CHRNB1: variants seen among roughly 807,000 people sequenced by gnomAD.
CHRNB1 encodes the protein cholinergic receptor nicotinic beta 1 subunit.
Under a neutral mutation model 53.8 loss-of-function variants are expected in CHRNB1, and 47 were observed. The observed-to-expected ratio is 0.87, with a 90% CI of 0.69 to 1.11. The LOEUF (loss-of-function observed/expected upper bound fraction) is 1.11, where lower values mean the gene tolerates loss of function less well. Among genes scored for constraint, CHRNB1 ranks in the 50% most tolerant of loss-of-function variants. The pLI is 0.00. For synonymous variants in CHRNB1, 259 were observed against 263.5 expected (o/e 0.98, Z 0.16); for missense variants, 605 against 654.9 (o/e 0.92, Z 0.83).
intron 7 of CHRNB1, among the ~76,000 whole-genome samples, chr17:7,452,916 C>T (rs556544134): frequency 1.3e-5 from 2 of 152,044 alleles, no homozygotes; most frequent in African/African-American, 2.4e-5. Context: ...CCCAGCTGCT[C>T]GGGAGGCTAA....
Position 7,448,782 on chromosome 17 carries a change from G to A in CHRNB1, c.814G>A (p.Asp272Asn). 2 of 1,614,104 alleles carry A rather than the reference G, an allele frequency of 1.2e-6. No homozygotes were observed. Among genetic ancestry groups the A allele is most frequent in the Non-Finnish European group, 1.7e-6 (2 of 1,179,962 alleles). ...LAIFVFYLPP[D>N]AGEKMGLSIF... Reference sequence around the variant, plus strand: ...CATCTTCGTCTTCTACCTGCCACCAGATGCAGGTAATGGGGGAAGGGGCTC... The same window carrying A: ...CATCTTCGTCTTCTACCTGCCACCAAATGCAGGTAATGGGGGAAGGGGCTC... Residue 272 changes from aspartate to asparagine, a missense_variant, in exon 7 of 11, where the codon GAT becomes AAT. By Grantham distance (23) the Asp-to-Asn change is conservative (BLOSUM62 1). Coordinates refer to ENST00000306071, the MANE Select transcript of CHRNB1 (RefSeq NM_000747.3).
At chr17:7,451,117 C>G (rs1908866764) in intron 7 of CHRNB1, among the ~76,000 whole-genome samples, 1 of 152,090 alleles carries the variant, frequency 6.6e-6, no homozygotes, top group African/African-American at 2.4e-5. Flanking sequence ...CAAAGGGACT[C>G]TAGACCCAGG....
intron 7 of CHRNB1, 67 bp downstream of exon 7, chr17:7,448,855 C>A: frequency 1.3e-6 from 2 of 1,546,650 alleles, no homozygotes; most frequent in Non-Finnish European, 1.8e-6. Flanking sequence ...ATCCTTAATC[C>A]AGGCAGGGTT....
chr17:7,446,147 C>CCT (rs1284116552), intron 3 of CHRNB1, 34 bp downstream of exon 3: 1 of 1,584,906 alleles, frequency 6.3e-7, no homozygotes, highest in Admixed American at 1.7e-5. Context: ...AAAGGGCTTC[C>CCT]CTCTGCCTTG....
chr17:7,445,612 T>G lies in CHRNB1; in HGVS notation c.198+203T>G, dbSNP rs1318746888. 6.9e-7 allele frequency: 1 copy of G among 1,445,240 alleles called. No homozygotes were observed. 89.5% of individuals were successfully genotyped at this position (1,445,240 alleles called of 1,614,324 possible). A position where few individuals can be genotyped will look rare whatever the true frequency, so the allele number is the denominator to read the frequency against. ...GTGGTGGACGGGCCTGGAGTAGAAC[T>G]GGGTAGGGTGAAGGACGGACCTGTG... On this transcript the variant is annotated intron_variant, in intron 2 of 10. Coordinates refer to ENST00000306071, the MANE Select transcript of CHRNB1 (RefSeq NM_000747.3). The surrounding 1 kb of genome is among the most constrained non-coding windows in gnomAD (Gnocchi z 5.7).
intron 9 of CHRNB1, 25 bp downstream of exon 9, chr17:7,455,481 T>G (rs201761770): frequency 1.2e-6 from 2 of 1,613,134 alleles, no homozygotes; most frequent in Non-Finnish European, 1.7e-6. Context: ...GTTACCCACA[T>G]AAGAGGGAGA....
intron 2 of CHRNB1, 24 bp from the exon 3 acceptor site, chr17:7,446,045 A>G: frequency 1.2e-6 from 2 of 1,612,436 alleles, no homozygotes; most frequent in Non-Finnish European, 1.7e-6. Flanking sequence ...CTTCACCTTT[A>G]CGCCTTAAAT....
At chr17:7,446,191 A>AT in intron 3 of CHRNB1, 78 bp downstream of exon 3, 3 of 1,229,156 alleles carry the variant, frequency 2.4e-6, no homozygotes, top group Non-Finnish European at 2.4e-6. Flanking sequence ...CAGTAAGAAT[A>AT]TTTTTTACAT....
At chr17:7,451,806 G>A (rs1012829240) in intron 7 of CHRNB1, among the ~76,000 whole-genome samples, 6 of 152,178 alleles carry the variant, frequency 3.9e-5, no homozygotes, top group African/African-American at 7.2e-5. Flanking sequence ...AGGGCCTGGA[G>A]CAGCTTCCAG....
In CHRNB1 at chr17:7,457,309, C is replaced by T. The variant is rs557679129; in HGVS notation, c.*586C>T. 6.4e-6 allele frequency: 1 copy of T among 156,658 alleles called. No individual in the cohort carries two copies. The highest frequency in any genetic ancestry group is 1.4e-5 in the Non-Finnish European group (1 of 70,902). The allele number at this position is 156,658 out of a possible 1,614,324, so 9.7% of individuals were successfully genotyped here. On this transcript the variant is annotated 3_prime_UTR_variant, in exon 11 of 11. Coordinates refer to ENST00000306071, the MANE Select transcript of CHRNB1 (RefSeq NM_000747.3). ...TCCAGCCTGGGCAACAAGAGCGAAA[C>T]TCCATCTCAAAAAAAAAAAAGTGTC...
Position 7,452,072 on chromosome 17 carries a change from T to G in CHRNB1, c.821-2225T>G, listed in dbSNP as rs535871358. On this transcript the variant is annotated intron_variant, in intron 7 of 10. Coordinates refer to ENST00000306071, the MANE Select transcript of CHRNB1 (RefSeq NM_000747.3). The stretch of plus-strand genomic sequence containing the variant: ...TTTCCTTTTTCTTTTTTTTTTTTTT[T>G]TTAGATACAGTCCCTGTCTGTCACC... Among the ~76,000 whole-genome samples the G allele has an allele frequency of 7.9e-5, 12 of 151,468 alleles. No individual in the cohort carries two copies. In the East Asian group the frequency reaches 2.3e-3, roughly 29 times the overall value.
chr17:7,446,642 G>T, intron 3 of CHRNB1, 191 bp from the exon 4 acceptor site: 1 of 605,232 alleles, frequency 1.7e-6, no homozygotes. Context: ...CCCGGTGCGG[G>T]GGAGGGAAAT....
At chr17:7,446,356 T>TGC (rs1597748427) in intron 3 of CHRNB1, 1 of 581,218 alleles carries the variant, frequency 1.7e-6, no homozygotes, top group East Asian at 2.9e-5. Flanking sequence ...TGTGTGTGTG[T>TGC]GTGTGTGTGT....
chr17:7,456,220 A>C (rs2069949575), intron 10 of CHRNB1, among the ~76,000 whole-genome samples: 1 of 151,406 alleles, frequency 6.6e-6, no homozygotes, highest in Admixed American at 6.6e-5. Context: ...CGCCTGGCTA[A>C]TTTTTGTATT....
intron 3 of CHRNB1, chr17:7,446,372 T>TGA (rs769218463): frequency 2.4e-4 from 137 of 562,826 alleles, no homozygotes; most frequent in South Asian, 9.0e-4. Context: ...TGTGTGTGTG[T>TGA]GATGCGGTCT....
intron 5 of CHRNB1, 126 bp from the exon 6 acceptor site, chr17:7,447,377 G>A (rs1467128816): frequency 8.4e-7 from 1 of 1,190,420 alleles, no homozygotes; most frequent in Non-Finnish European, 1.2e-6. Context: ...CCCATTAATG[G>A]CTTCCCTTCA....
In CHRNB1 at chr17:7,447,054, A is replaced by G; in HGVS notation, c.365A>G (p.Asn122Ser). Residue 122 changes from asparagine (N) to serine (S), a missense_variant, in exon 5 of 11, where the codon AAT (asparagine) becomes AGT (serine). Asn to Ser is a conservative substitution (Grantham distance 46, BLOSUM62 1). Transcript: ENST00000306071. Reference protein sequence around the residue: ...DVVLLNNNDGNFDVALDISVV... With the variant: ...DVVLLNNNDGSFDVALDISVV... ...TCCCTTCTCTGCAGCAATGATGGGA[A>G]TTTTGACGTGGCTCTGGACATTAGC... is the stretch of plus-strand genomic sequence containing the variant. The G allele has an allele frequency of 6.2e-7, 1 of 1,614,130 alleles. No individual in the cohort carries two copies. Among genetic ancestry groups the G allele is most frequent in the South Asian group, 1.1e-5 (1 of 91,078 alleles).
rs1346990577 is a variant in CHRNB1, at chr17:7,455,461, G to C, written c.1217+5G>C. The C allele has an allele frequency of 6.2e-7, 1 of 1,613,896 alleles. No homozygotes were observed. Among genetic ancestry groups the C allele is most frequent in the Non-Finnish European group, 8.5e-7 (1 of 1,179,958 alleles). On this transcript the variant is annotated splice_donor_5th_base_variant and intron_variant, in intron 9 of 10. Coordinates refer to ENST00000306071, the MANE Select transcript of CHRNB1 (RefSeq NM_000747.3). ...TCTCTTCCCCAAACCCAATAGGTAG[G>C]ACTACGCCCGTTACCCACATAAGAG...
chr17:7,448,688 C>T lies in CHRNB1; in HGVS notation c.720C>T (p.Ile240=), dbSNP rs147607553. ...GCCAGGAAGTCATCTTCTACCTCAT[C>T]ATCCGCCGCAAGCCTCTCTTCTACC... ...GQRQEVIFYL[I]IRRKPLFYLV... is the part of the protein sequence containing the mutation. Residue 240 remains isoleucine (I), a synonymous_variant, in exon 7 of 11, where the codon ATC becomes ATT. Coordinates refer to ENST00000306071, the MANE Select transcript of CHRNB1 (RefSeq NM_000747.3). The T allele has an allele frequency of 2.8e-4, 459 of 1,614,102 alleles. No homozygotes were observed. Among genetic ancestry groups the T allele is most frequent in the Non-Finnish European group, 3.5e-4 (414 of 1,180,040 alleles).
Sources: gnomAD v4.1 joint callset for allele counts (sites outside exome capture counted in the v4.1 genomes callset) on GRCh38, gnomAD v4.1.1 for gene constraint, Gnocchi (gnomAD v3.1) non-coding constraint, MANE v1.5 for transcripts, NCBI Gene and HGNC (gene_info 2026-07-23, HGNC 2026-07-21) for gene names.